DPY19L3: variants seen among roughly 807,000 people sequenced by gnomAD.
DPY19L3 encodes the protein dpy-19 like C-mannosyltransferase 3.
In DPY19L3, 51 loss-of-function variants were observed where a neutral mutation model predicts 92.3. The ratio of observed to expected loss-of-function variants is 0.55; its 90% CI spans 0.44 to 0.70. DPY19L3 has a LOEUF of 0.70. DPY19L3 is among the 30% of genes least tolerant of loss of function. The pLI is 0.00. For missense variants in DPY19L3, 706 were observed against 855.9 expected (o/e 0.82, Z 2.18); for synonymous variants, 309 against 315.2 (o/e 0.98, Z 0.21).
At chr19:32,412,511 A>G (rs181852491) in intron 3 of DPY19L3, 1 of 151,362 alleles carries the variant, frequency 6.6e-6, no homozygotes, top group East Asian at 1.9e-4. Flanking sequence ...CATGGGGTCT[A>G]AATGTGGCTC....
At chr19:32,476,683 C>T (rs748228140) in intron 16 of DPY19L3, among the ~76,000 whole-genome samples, 2 of 152,034 alleles carry the variant, frequency 1.3e-5, no homozygotes, top group Non-Finnish European at 2.9e-5. Flanking sequence ...GACAGAAAAT[C>T]GTAGCGTGGT....
At chr19:32,415,470 A>C (rs1968347950) in intron 3 of DPY19L3, among the ~76,000 whole-genome samples, 1 of 152,200 alleles carries the variant, frequency 6.6e-6, no homozygotes, top group African/African-American at 2.4e-5. Context: ...GAGGGGATGT[A>C]CTGGGAATGG....
chr19:32,428,405 C>T (rs1968841454), intron 3 of DPY19L3, among the ~76,000 whole-genome samples: 1 of 151,920 alleles, frequency 6.6e-6, no homozygotes. Flanking sequence ...GCAATGAGGT[C>T]TTGCAGTGGT....
intron 18 of DPY19L3, 111 bp downstream of exon 18, chr19:32,480,668 C>T (rs767408600): frequency 9.0e-6 from 12 of 1,328,742 alleles, no homozygotes; most frequent in East Asian, 2.5e-5. Context: ...AATTACGCTA[C>T]GAATCAAGTA....
chr19:32,434,617 C>G (rs1969079045), intron 4 of DPY19L3, among the ~76,000 whole-genome samples: 1 of 152,156 alleles, frequency 6.6e-6, no homozygotes, highest in Admixed American at 6.5e-5. Flanking sequence ...CGAGATCACG[C>G]TACTGCACTC....
At position 32,458,426 on chromosome 19, in the gene DPY19L3, A is replaced by G. The variant is rs763124875; in HGVS notation, c.1239A>G (p.Ser413=). The change falls in exon 12 of 19, where the codon TCA becomes TCG. Residue 413 remains serine (S), a synonymous_variant. Transcript: ENST00000392250. ...LLPFNTFGRL[S]DTLLFYAYIF... is the part of the protein sequence containing the mutation. ...CTTTTAATACATTTGGAAGGCTTTC[A>G]GATACTCTGCTTTTTTATGCTTACA... 78 of 1,613,798 alleles carry G rather than the reference A, an allele frequency of 4.8e-5. No individual in the cohort carries two copies. Among genetic ancestry groups the G allele is most frequent in the Non-Finnish European group, 6.1e-5 (72 of 1,179,994 alleles).
rs1761528111 is a variant in DPY19L3, at chr19:32,458,093, C to G, written c.1090-7C>G. On this transcript the variant is annotated splice_polypyrimidine_tract_variant and splice_region_variant and intron_variant, in intron 10 of 18. Coordinates refer to ENST00000392250, the MANE Select transcript of DPY19L3 (RefSeq NM_001172774.2). ...ATAGCAATTTTTGTTTTCTCTTTCC[C>G]CGATAGAAAATTCTTAACCTGAAGT... 8 of 1,607,450 alleles carry G rather than the reference C, an allele frequency of 5.0e-6. No homozygotes were observed. Among genetic ancestry groups the G allele is most frequent in the Non-Finnish European group, 6.8e-6 (8 of 1,177,938 alleles).
chr19:32,445,362 A>G (rs1284218263), intron 8 of DPY19L3, among the ~76,000 whole-genome samples: 1 of 136,898 alleles, frequency 7.3e-6, no homozygotes, highest in African/African-American at 2.7e-5. Flanking sequence ...AATGGCGTGA[A>G]CCTGGGAGGC....
At chr19:32,426,020 A>G (rs1212099514) in intron 3 of DPY19L3, among the ~76,000 whole-genome samples, 1 of 152,194 alleles carries the variant, frequency 6.6e-6, no homozygotes, top group African/African-American at 2.4e-5. Context: ...TACATTGAGT[A>G]TCTGTTGTTT....
At chr19:32,437,381 A>G in intron 6 of DPY19L3, 42 bp downstream of exon 6, 5 of 1,574,716 alleles carry the variant, frequency 3.2e-6, no homozygotes, top group Non-Finnish European at 4.3e-6. Context: ...CCAAAATGTA[A>G]GTAAAAATGA....
At chr19:32,461,499 G>A (rs1254238857) in intron 12 of DPY19L3, among the ~76,000 whole-genome samples, 3 of 152,166 alleles carry the variant, frequency 2.0e-5, no homozygotes, top group African/African-American at 4.8e-5. Flanking sequence ...TTCACACCTT[G>A]CCCTGTTGAT....
At chr19:32,445,395 C>A (rs1212927089) in intron 8 of DPY19L3, among the ~76,000 whole-genome samples, 1 of 129,758 alleles carries the variant, frequency 7.7e-6, no homozygotes, top group African/African-American at 2.9e-5. Context: ...GAGTCTAGAT[C>A]GCGCCACTGC....
chr19:32,413,020 T>A (rs1949434046), intron 3 of DPY19L3: 1 of 152,172 alleles, frequency 6.6e-6, no homozygotes, highest in African/African-American at 2.4e-5. Flanking sequence ...TCAACATTTC[T>A]AGAACTCCTC....
intron 18 of DPY19L3, chr19:32,480,899 T>C: frequency 6.7e-6 from 3 of 445,434 alleles, no homozygotes; most frequent in Non-Finnish European, 1.2e-5. Flanking sequence ...TTAAACCCAC[T>C]GCTCCAACGC....
chr19:32,446,838 C>G (rs1177005436), intron 8 of DPY19L3, among the ~76,000 whole-genome samples: 3 of 152,122 alleles, frequency 2.0e-5, no homozygotes, highest in Non-Finnish European at 2.9e-5. Flanking sequence ...AGATATAGAA[C>G]CCAACAACAC....
intron 3 of DPY19L3, among the ~76,000 whole-genome samples, chr19:32,414,096 A>G (rs958012497): frequency 6.6e-6 from 1 of 152,072 alleles, no homozygotes; most frequent in Non-Finnish European, 1.5e-5. Flanking sequence ...CAGCCTGGCC[A>G]ACATGGTGAA....
At chr19:32,424,867 C>T (rs980592347) in intron 3 of DPY19L3, among the ~76,000 whole-genome samples, 6 of 152,174 alleles carry the variant, frequency 3.9e-5, no homozygotes, top group Admixed American at 3.9e-4. Flanking sequence ...GACTCTGATG[C>T]TGGCATAAGG....
In DPY19L3 at chr19:32,439,113, A is replaced by G. The variant is rs780960165; in HGVS notation, c.598A>G (p.Ile200Val). The G allele has an allele frequency of 1.2e-6, 2 of 1,610,888 alleles. No homozygotes were observed. Among genetic ancestry groups the G allele is most frequent in the Non-Finnish European group, 1.7e-6 (2 of 1,178,228 alleles). The change falls in exon 7 of 19, where the codon ATA becomes GTA. Residue 200 changes from isoleucine to valine, a missense_variant and splice_region_variant. Transcript: ENST00000392250. ...CCATTTGTGTTTTCTTTTGTGCAGA[A>G]TAGATACCACAAGAGTTGAGTTTAC... ...LAAFWYVTNRIDTTRVEFTIP... is the reference protein window; with the variant it reads ...LAAFWYVTNRVDTTRVEFTIP...
intron 3 of DPY19L3, among the ~76,000 whole-genome samples, chr19:32,422,108 A>G (rs45562839): frequency 0.012 from 1,757 of 152,298 alleles, 17 homozygotes; most frequent in Non-Finnish European, 0.019. Context: ...GACATAACTG[A>G]TAAGGAAGGA....
Sources: allele counts gnomAD v4.1 joint callset (sites outside exome capture counted in the v4.1 genomes callset), GRCh38; gene constraint gnomAD v4.1.1; transcripts MANE v1.5; gene names NCBI Gene and HGNC (gene_info 2026-07-23, HGNC 2026-07-21).